Variants in IFT80 observed in about 807,000 individuals in gnomAD.
The protein encoded by IFT80 is intraflagellar transport protein 80 homolog.
Under a neutral mutation model 107.9 loss-of-function variants are expected in IFT80, and 79 were observed. That is an observed-to-expected ratio of 0.73 (90% CI 0.61 to 0.88). IFT80 has a LOEUF of 0.88. Ranked by LOEUF, IFT80 falls within the 40% of genes least tolerant of loss-of-function variation. The probability of loss-of-function intolerance (pLI) is 0.00; values close to 1 mark genes in which losing one functional copy is unlikely to be tolerated. For missense variants in IFT80, 797 were observed against 914.2 expected (o/e 0.87, Z 1.65); for synonymous variants, 299 against 300.9 (o/e 0.99, Z 0.07).
intron 8 of IFT80, among the ~76,000 whole-genome samples, chr3:160,347,732 CCTT>C (rs903150721): frequency 3.9e-5 from 6 of 152,116 alleles, no homozygotes; most frequent in Non-Finnish European, 8.8e-5. Flanking sequence ...TAAACATGAT[CCTT>C]CTTCTCCATT....
chr3:160,351,421 T>C (rs903961576), intron 8 of IFT80, among the ~76,000 whole-genome samples: 3 of 149,444 alleles, frequency 2.0e-5, no homozygotes, highest in Admixed American at 6.7e-5. Context: ...CTTTATCTTA[T>C]TATTACCTTA....
chr3:160,261,682 TC>T (rs751133710), intron 19 of IFT80, among the ~76,000 whole-genome samples: 24 of 150,456 alleles, frequency 1.6e-4, no homozygotes, highest in Non-Finnish European at 3.2e-4. Context: ...TCATCTCTAG[TC>T]CCATCTACTT....
Position 160,279,354 on chromosome 3 carries a change from T to C in IFT80, c.1675A>G (p.Lys559Glu), listed in dbSNP as rs1248669654. The change falls in exon 16 of 20, where the codon AAA becomes GAA. Residue 559 changes from lysine (K) to glutamate (E), a missense_variant. Lys to Glu is a moderately conservative substitution (Grantham distance 56, BLOSUM62 1). Coordinates refer to ENST00000326448, the MANE Select transcript of IFT80 (RefSeq NM_020800.3). The part of the protein sequence containing the change: ...LYERDASEFS[K>E]NPHIVSFVGN... ...ACAAAACTCACAATATGGGGATTTT[T>C]ACTAAATTCACTGTTGAAAAAAAAA... 1.9e-6 allele frequency: 3 copies of C among 1,613,006 alleles called. No homozygotes were observed. The highest frequency in any genetic ancestry group is 2.5e-6 in the Non-Finnish European group (3 of 1,179,304).
At chr3:160,395,710 C>G (rs927066114) in intron 1 of IFT80, among the ~76,000 whole-genome samples, 1 of 152,166 alleles carries the variant, frequency 6.6e-6, no homozygotes, top group African/African-American at 2.4e-5. Flanking sequence ...CATACGGAAC[C>G]TGAAAATACT....
At chr3:160,359,048 T>C (rs1721304658) in intron 6 of IFT80, among the ~76,000 whole-genome samples, 1 of 152,202 alleles carries the variant, frequency 6.6e-6, no homozygotes, top group Non-Finnish European at 1.5e-5. Context: ...CTGAACTGCA[T>C]TCCACAAGCA....
chr3:160,314,736 C>T (rs1340114748), intron 9 of IFT80, among the ~76,000 whole-genome samples: 2 of 152,162 alleles, frequency 1.3e-5, no homozygotes, highest in Admixed American at 1.3e-4. Flanking sequence ...TTAAAAAGTA[C>T]AGCCCTCAGA....
intron 19 of IFT80, among the ~76,000 whole-genome samples, chr3:160,259,671 C>G (rs1240223691): frequency 6.6e-6 from 1 of 152,226 alleles, no homozygotes. Context: ...TAGCCCAGCC[C>G]TATTCCTCTC....
chr3:160,391,379 G>A (rs1248269148), intron 1 of IFT80, among the ~76,000 whole-genome samples: 8 of 152,012 alleles, frequency 5.3e-5, no homozygotes, highest in African/African-American at 4.8e-5. Flanking sequence ...TCTTATAAAC[G>A]TTACATAAAA....
intron 5 of IFT80, among the ~76,000 whole-genome samples, chr3:160,367,089 G>A (rs777198500): frequency 6.6e-6 from 1 of 152,044 alleles, no homozygotes; most frequent in Non-Finnish European, 1.5e-5. Flanking sequence ...TTCCATCCAT[G>A]TTGTAGCAAA....
chr3:160,397,716 C>CGTT (rs1713898217), intron 1 of IFT80, among the ~76,000 whole-genome samples: 1 of 96,598 alleles, frequency 1.0e-5, no homozygotes, highest in Non-Finnish European at 2.0e-5. Context: ...TTGGTCTATA[C>CGTT]TTTTTTTTTT....
At chr3:160,398,164 A>C (rs1296345233) in intron 1 of IFT80, among the ~76,000 whole-genome samples, 1 of 152,180 alleles carries the variant, frequency 6.6e-6, no homozygotes, top group Admixed American at 6.5e-5. Context: ...ACATAAAGAT[A>C]TATCACGATA....
chr3:160,345,871 T>C (rs1720256504), intron 8 of IFT80, among the ~76,000 whole-genome samples: 1 of 152,118 alleles, frequency 6.6e-6, no homozygotes, highest in Non-Finnish European at 1.5e-5. Context: ...TTTAATTGCA[T>C]ATTTTAAAAT....
At chr3:160,305,606 G>A (rs1448699797) in intron 10 of IFT80, among the ~76,000 whole-genome samples, 1 of 151,894 alleles carries the variant, frequency 6.6e-6, no homozygotes, top group African/African-American at 2.4e-5. Context: ...TAAATGCCAT[G>A]GAAACATAAA....
At chr3:160,339,512 C>G (rs1162931971) in intron 8 of IFT80, among the ~76,000 whole-genome samples, 2 of 152,062 alleles carry the variant, frequency 1.3e-5, no homozygotes, top group African/African-American at 4.8e-5. Flanking sequence ...CTAATTAAAC[C>G]ACTTACCACA....
intron 11 of IFT80, among the ~76,000 whole-genome samples, chr3:160,302,089 C>T (rs1336332534): frequency 6.6e-6 from 1 of 151,908 alleles, no homozygotes. Context: ...CATACTATGG[C>T]TATATTGGTG....
At position 160,293,144 on chromosome 3, in the gene IFT80, G is replaced by A. The variant is rs185588012; in HGVS notation, c.1316-7276C>T. The stretch of plus-strand genomic sequence containing the variant: ...ATATTACATTAATGCTTCAAAAGAG[G>A]CTCAGAGCAAAAGAATGATATTGTT... On this transcript the variant is annotated intron_variant, in intron 12 of 19. Transcript: ENST00000326448. Among the ~76,000 whole-genome samples the A allele has an allele frequency of 4.9e-4, 74 of 152,296 alleles. 1 individual carries two copies. Among genetic ancestry groups the A allele is most frequent in the Middle Eastern group, 3.4e-3 (1 of 294 alleles).
chr3:160,309,483 C>G (rs796084031), intron 9 of IFT80, among the ~76,000 whole-genome samples: 1 of 152,196 alleles, frequency 6.6e-6, no homozygotes, highest in East Asian at 1.9e-4. Context: ...AAGGTCAGAT[C>G]GAGACCATCC....
chr3:160,345,744 G>A (rs1720246582), intron 8 of IFT80, among the ~76,000 whole-genome samples: 1 of 151,496 alleles, frequency 6.6e-6, no homozygotes, highest in South Asian at 2.1e-4. Flanking sequence ...GGCTGGGAAG[G>A]GTCATGGGTT....
chr3:160,359,472 A>T (rs1252619743), intron 6 of IFT80, among the ~76,000 whole-genome samples: 2 of 152,152 alleles, frequency 1.3e-5, no homozygotes, highest in Non-Finnish European at 2.9e-5. Context: ...TGAGCTCTGA[A>T]GAGAGCAGTG....
Sources: gnomAD v4.1 joint callset for allele counts (sites outside exome capture counted in the v4.1 genomes callset) on GRCh38, gnomAD v4.1.1 for gene constraint, MANE v1.5 for transcripts, NCBI Gene and HGNC (gene_info 2026-07-23, HGNC 2026-07-21) for gene names.